The following IGF2BP2 variants were observed in gnomAD, a reference collection of about 807,000 sequenced individuals.
IGF2BP2 encodes the protein insulin like growth factor 2 mRNA binding protein 2, also known as insulin-like growth factor 2 mRNA-binding protein 2.
Under a neutral mutation model 75.8 loss-of-function variants are expected in IGF2BP2, and 17 were observed. The ratio of observed to expected loss-of-function variants is 0.22; its 90% confidence interval spans 0.15 to 0.34. The LOEUF (loss-of-function observed/expected upper bound fraction) is 0.34. Among genes scored for constraint, IGF2BP2 ranks in the 10% least tolerant of loss-of-function variants. The probability of loss-of-function intolerance (pLI) is 1.00; values close to 1 mark genes in which losing one functional copy is unlikely to be tolerated. For missense variants in IGF2BP2, 516 were observed against 772.4 expected (o/e 0.67, Z 3.93); for synonymous variants, 288 against 295.6 (o/e 0.97, Z 0.26).
chr3:185,724,886 G>A (rs928077044), intron 2 of IGF2BP2: 1 of 152,174 alleles, frequency 6.6e-6, no homozygotes, highest in Non-Finnish European at 1.5e-5. Context: ...TGAACATGGT[G>A]ACAGTGATAG....
chr3:185,710,827 G>A (rs1724693073), intron 2 of IGF2BP2, among the ~76,000 whole-genome samples: 2 of 151,560 alleles, frequency 1.3e-5, no homozygotes, highest in African/African-American at 4.8e-5. Flanking sequence ...TACGCTATAG[G>A]AAAAGTTATT....
chr3:185,711,394 C>T (rs922780827), intron 2 of IGF2BP2, among the ~76,000 whole-genome samples: 1 of 152,180 alleles, frequency 6.6e-6, no homozygotes, highest in African/African-American at 2.4e-5. Context: ...ATGAACATGA[C>T]AGGGTTAACA....
intron 10 of IGF2BP2, among the ~76,000 whole-genome samples, chr3:185,665,482 AAGGAGGAGAAGGAGGAGGAGAAGG>A (rs1484945512): frequency 2.3e-5 from 1 of 42,630 alleles, no homozygotes; most frequent in African/African-American, 1.2e-4. Flanking sequence ...GAAGGAGAAG[AAGGAGGAGAAGGAGGAGGAGAAGG>A]AGGAGGAGGA....
In IGF2BP2 at chr3:185,822,783, T is replaced by C. The variant is rs886083797; in HGVS notation, c.239+370A>G. Among the ~76,000 whole-genome samples the C allele has an allele frequency of 5.9e-5, 9 of 152,032 alleles. No individual in the cohort carries two copies. In the South Asian group the frequency reaches 8.3e-4, roughly 14 times the overall value. Reference sequence around the variant, plus strand: ...AGCAATTTAGCTGACATAGTAAATATTTACTCTTCACATCTCACAGGAAGT... The same window carrying C: ...AGCAATTTAGCTGACATAGTAAATACTTACTCTTCACATCTCACAGGAAGT... On this transcript the variant is annotated intron_variant, in intron 2 of 15. Coordinates refer to ENST00000382199, the MANE Select transcript of IGF2BP2 (RefSeq NM_006548.6).
chr3:185,717,412 C>G (rs1336852854), intron 2 of IGF2BP2: 1 of 152,580 alleles, frequency 6.6e-6, no homozygotes, highest in Non-Finnish European at 1.5e-5. Flanking sequence ...GATGCAAGAA[C>G]TGAGCTGTCC....
chr3:185,811,683 C>T (rs57121606), intron 2 of IGF2BP2, among the ~76,000 whole-genome samples: 9,010 of 152,242 alleles, frequency 0.059, 315 homozygotes, highest in African/African-American at 0.1. Context: ...CTTACATCAT[C>T]TACCCCTGTA....
chr3:185,696,596 C>T lies in IGF2BP2; in HGVS notation c.340+16G>A. On this transcript the variant is annotated intron_variant, in intron 4 of 15. Transcript: ENST00000382199. ...ATATCTCTCTCCAAAACCCAAAAGG[C>T]TTCCTCACTTATTACCTTGTTCCAC... is the stretch of plus-strand genomic sequence containing the variant. 6.2e-7 allele frequency: 1 copy of T among 1,611,646 alleles called. No homozygotes were observed. Among genetic ancestry groups the T allele is most frequent in the Non-Finnish European group, 8.5e-7 (1 of 1,177,960 alleles).
chr3:185,821,228 A>G, intron 2 of IGF2BP2: 1 of 1,018,468 alleles, frequency 9.8e-7, no homozygotes, highest in Non-Finnish European at 1.4e-6. Context: ...CCTCTAGAGC[A>G]GCAGCTTATG....
At chr3:185,727,400 A>T (rs1727499654) in intron 2 of IGF2BP2, among the ~76,000 whole-genome samples, 1 of 152,132 alleles carries the variant, frequency 6.6e-6, no homozygotes, top group East Asian at 1.9e-4. Context: ...CTTGGGGCAG[A>T]CACAGCATGA....
intron 10 of IGF2BP2, among the ~76,000 whole-genome samples, chr3:185,661,270 T>C (rs1417594307): frequency 6.6e-6 from 1 of 152,174 alleles, no homozygotes; most frequent in African/African-American, 2.4e-5. Context: ...TTCTGAGCCT[T>C]ATCCACAAAC....
chr3:185,688,476 G>C (rs918424644), intron 6 of IGF2BP2, among the ~76,000 whole-genome samples: 3 of 152,308 alleles, frequency 2.0e-5, no homozygotes, highest in South Asian at 2.1e-4. Flanking sequence ...CAGAGTAGCT[G>C]GGATTACAGG....
At chr3:185,686,781 G>A (rs534430339) in intron 7 of IGF2BP2, among the ~76,000 whole-genome samples, 4 of 152,140 alleles carry the variant, frequency 2.6e-5, no homozygotes, top group Admixed American at 1.3e-4. Context: ...TGGACAGCAT[G>A]AGTCTGTATG....
chr3:185,783,110 T>G (rs1273124977), intron 2 of IGF2BP2, among the ~76,000 whole-genome samples: 1 of 152,176 alleles, frequency 6.6e-6, no homozygotes, highest in Non-Finnish European at 1.5e-5. Context: ...AAAAGGATAG[T>G]GATAAGATTA....
intron 10 of IGF2BP2, among the ~76,000 whole-genome samples, chr3:185,666,741 A>G (rs544674867): frequency 6.6e-6 from 1 of 152,330 alleles, no homozygotes; most frequent in South Asian, 2.1e-4. Flanking sequence ...TTATATCAAT[A>G]CACATAAAAA....
intron 2 of IGF2BP2, among the ~76,000 whole-genome samples, chr3:185,779,198 A>G (rs1434874266): frequency 6.6e-6 from 1 of 152,150 alleles, no homozygotes; most frequent in African/African-American, 2.4e-5. Flanking sequence ...ATCATCTACC[A>G]CAGGAAATCT....
At chr3:185,774,317 C>A (rs920124197) in intron 2 of IGF2BP2, among the ~76,000 whole-genome samples, 3 of 152,088 alleles carry the variant, frequency 2.0e-5, no homozygotes, top group Non-Finnish European at 2.9e-5. Context: ...AAAAACAGGC[C>A]GGGCATGGTG....
rs372902424 is a variant in IGF2BP2 at position 185,752,332 on chromosome 3, A to G, written c.240-53985T>C. On this transcript the variant is annotated intron_variant, in intron 2 of 15. Coordinates refer to ENST00000382199, the MANE Select transcript of IGF2BP2 (RefSeq NM_006548.6). ...ATAAAGCTAGAGGAATTATTACCTA[A>G]TAAATTTGTGAACAGACTTTCTTAA... Among the ~76,000 whole-genome samples the G allele has an allele frequency of 3.9e-4, 60 of 152,340 alleles. 1 individual carries two copies. In the South Asian group the frequency reaches 7.9e-3, roughly 20 times the overall value.
chr3:185,734,247 T>C, intron 2 of IGF2BP2, among the ~76,000 whole-genome samples: 1 of 152,192 alleles, frequency 6.6e-6, no homozygotes, highest in East Asian at 1.9e-4. Context: ...TCTCATTCAA[T>C]TCCAACAACA....
intron 7 of IGF2BP2, 71 bp from the exon 8 acceptor site, chr3:185,675,984 G>C (rs1719284014): frequency 6.4e-7 from 1 of 1,551,722 alleles, no homozygotes; most frequent in African/African-American, 1.4e-5. Context: ...CCATTACCTT[G>C]CTTTTTTCTT....
Sources: gnomAD v4.1 joint callset for allele counts (sites outside exome capture counted in the v4.1 genomes callset) on GRCh38, gnomAD v4.1.1 for gene constraint, MANE v1.5 for transcripts, NCBI Gene and HGNC (gene_info 2026-07-23, HGNC 2026-07-21) for gene names.